CREB5: variants seen among roughly 807,000 people sequenced by gnomAD.
CREB5 encodes cyclic AMP-responsive element-binding protein 5.
CREB5 carries 19 observed loss-of-function variants against 57.1 expected under a neutral mutation model. The ratio of observed to expected loss-of-function variants is 0.33; its 90% CI spans 0.23 to 0.49. CREB5 has a LOEUF of 0.49. Among genes scored for constraint, CREB5 ranks in the 20% least tolerant of loss-of-function variants. The probability of loss-of-function intolerance (pLI) is 0.99; values close to 1 mark genes in which losing one functional copy is unlikely to be tolerated. For synonymous variants in CREB5, 238 were observed against 238.3 expected (o/e 1.00, Z 0.01); for missense variants, 579 against 671.6 (o/e 0.86, Z 1.52).
intron 5 of CREB5, among the ~76,000 whole-genome samples, chr7:28,714,827 T>A (rs1033427904): frequency 6.6e-6 from 1 of 152,210 alleles, no homozygotes; most frequent in African/African-American, 2.4e-5. Flanking sequence ...AGCTCACACA[T>A]CTTACCTTGT....
chr7:28,564,777 T>A (rs1795415151), intron 4 of CREB5, among the ~76,000 whole-genome samples: 1 of 152,214 alleles, frequency 6.6e-6, no homozygotes, highest in Admixed American at 6.5e-5. Context: ...TGAATCATGA[T>A]CCCTTGGGGT....
intron 7 of CREB5, among the ~76,000 whole-genome samples, chr7:28,764,058 C>T (rs1480078658): frequency 6.6e-6 from 1 of 152,046 alleles, no homozygotes; most frequent in East Asian, 1.9e-4. Context: ...ATGTTTTGGT[C>T]TCCTAAAGCA....
chr7:28,700,182 C>T (rs543960811), intron 5 of CREB5, among the ~76,000 whole-genome samples: 5 of 152,244 alleles, frequency 3.3e-5, no homozygotes, highest in African/African-American at 1.2e-4. Flanking sequence ...AGACAGTAAG[C>T]TCTGCCTGGA....
rs530552690 is a variant in CREB5, at chr7:28,703,290, G to A, written c.465-15463G>A. On this transcript the variant is annotated intron_variant, in intron 5 of 10. Transcript: ENST00000357727. Reference sequence around the variant, plus strand: ...GATACACTCCAGGTCTATTTTGGGGGTGGAGTGAATAGAACTTGGTGAATG... The same window carrying A: ...GATACACTCCAGGTCTATTTTGGGGATGGAGTGAATAGAACTTGGTGAATG... Among the ~76,000 whole-genome samples, 6 of 152,306 alleles carry A rather than the reference G, an allele frequency of 3.9e-5. No homozygotes were observed. The East Asian group carries it at 1.2e-3, about 29-fold the overall frequency.
At chr7:28,779,044 C>T (rs1806822734) in intron 7 of CREB5, 1 of 152,170 alleles carries the variant, frequency 6.6e-6, no homozygotes, top group African/African-American at 2.4e-5. Context: ...TCCCATGCGT[C>T]CATTTTCCAA....
intron 1 of CREB5, among the ~76,000 whole-genome samples, chr7:28,479,517 C>T (rs1342592714): frequency 6.6e-6 from 1 of 152,222 alleles, no homozygotes; most frequent in African/African-American, 2.4e-5. Context: ...TTTGCCTTAA[C>T]ATGGCCTTTA....
intron 1 of CREB5, among the ~76,000 whole-genome samples, chr7:28,328,173 C>G (rs1221623561): frequency 1.3e-5 from 2 of 152,186 alleles, no homozygotes; most frequent in Non-Finnish European, 2.9e-5. Flanking sequence ...TGGATGAGAA[C>G]AAGCTACTCC....
chr7:28,695,256 T>G (rs967849715), intron 5 of CREB5, among the ~76,000 whole-genome samples: 5 of 152,052 alleles, frequency 3.3e-5, no homozygotes, highest in Admixed American at 1.3e-4. Context: ...TCCAAAAATG[T>G]GAAGAGAGTT....
At chr7:28,703,204 A>G (rs533102452) in intron 5 of CREB5, among the ~76,000 whole-genome samples, 12 of 152,310 alleles carry the variant, frequency 7.9e-5, no homozygotes, top group Non-Finnish European at 1.5e-4. Flanking sequence ...GTTGGAAGAA[A>G]CCAAGAGAAA....
rs978595812 is a variant in CREB5, at chr7:28,665,390, C to G, written c.465-53363C>G. Among the ~76,000 whole-genome samples, 9 of 152,260 alleles carry G rather than the reference C, an allele frequency of 5.9e-5. No individual in the cohort carries two copies. In the East Asian group the frequency reaches 1.5e-3, roughly 26 times the overall value. ...ACATCTACCTCCCTTCCTTCCTCCC[C>G]CAAACAGTAATGAGTCCAAATTGCT... On this transcript the variant is annotated intron_variant, in intron 5 of 10. Coordinates refer to ENST00000357727, the MANE Select transcript of CREB5 (RefSeq NM_182898.4).
At chr7:28,560,977 T>TGCGTGCGTGCGC (rs1554344547) in intron 4 of CREB5, among the ~76,000 whole-genome samples, 1 of 49,034 alleles carries the variant, frequency 2.0e-5, no homozygotes, top group Non-Finnish European at 4.4e-5. Flanking sequence ...TGTGTGCGTG[T>TGCGTGCGTGCGC]GTGCGTGCGT....
At chr7:28,759,827 A>G (rs1413680578) in intron 7 of CREB5, among the ~76,000 whole-genome samples, 1 of 152,216 alleles carries the variant, frequency 6.6e-6, no homozygotes. Flanking sequence ...ACTTTTCAGA[A>G]TGTGTGACAT....
intron 4 of CREB5, among the ~76,000 whole-genome samples, 187 bp from the exon 5 acceptor site, chr7:28,570,178 A>G (rs1976489): frequency 0.22 from 33,079 of 152,100 alleles, 3,960 homozygotes; most frequent in East Asian, 0.43. Context: ...TCTAAGGGTG[A>G]GTAGTTATTT....
At chr7:28,472,597 G>A (rs1011384) in intron 1 of CREB5, among the ~76,000 whole-genome samples, 123,876 of 152,108 alleles carry the variant, frequency 0.81, 50,472 homozygotes, top group Admixed American at 0.86. Flanking sequence ...ATTTATTTAC[G>A]CATGGGATAG....
intron 1 of CREB5, among the ~76,000 whole-genome samples, chr7:28,385,873 T>C (rs1168502030): frequency 2.0e-5 from 3 of 152,124 alleles, no homozygotes; most frequent in Non-Finnish European, 4.4e-5. Context: ...TGCTGTGGCT[T>C]CAAGGTCACA....
At chr7:28,709,370 G>C (rs1802287604) in intron 5 of CREB5, among the ~76,000 whole-genome samples, 1 of 152,002 alleles carries the variant, frequency 6.6e-6, no homozygotes, top group African/African-American at 2.4e-5. Flanking sequence ...AACCAATCCA[G>C]CCAGGTTTTT....
intron 4 of CREB5, among the ~76,000 whole-genome samples, chr7:28,536,841 T>A (rs216722): frequency 1.3e-5 from 2 of 151,982 alleles, no homozygotes; most frequent in Non-Finnish European, 2.9e-5. Context: ...AAGCTTAGCA[T>A]ACTGAAGCCC....
At chr7:28,801,866 C>T (rs913843250) in intron 7 of CREB5, among the ~76,000 whole-genome samples, 1 of 151,848 alleles carries the variant, frequency 6.6e-6, no homozygotes, top group African/African-American at 2.4e-5. Flanking sequence ...GCAGGTGGAT[C>T]ACGAGGTCAA....
chr7:28,594,204 C>T (rs1796621183), intron 5 of CREB5, among the ~76,000 whole-genome samples: 1 of 152,192 alleles, frequency 6.6e-6, no homozygotes, highest in South Asian at 2.1e-4. Flanking sequence ...AATTGTGAAC[C>T]ATATGTAAAA....
Sources: gnomAD v4.1 joint callset for allele counts (sites outside exome capture counted in the v4.1 genomes callset) on GRCh38, gnomAD v4.1.1 for gene constraint, MANE v1.5 for transcripts, NCBI Gene and HGNC (gene_info 2026-07-23, HGNC 2026-07-21) for gene names.